Variants in HS3ST5 observed in about 807,000 individuals in gnomAD.
HS3ST5 encodes the protein heparan sulfate glucosamine 3-O-sulfotransferase 5.
Under a neutral mutation model 25.4 loss-of-function variants are expected in HS3ST5, and 10 were observed. That is an observed-to-expected ratio of 0.39 (90% CI 0.24 to 0.67). The LOEUF (loss-of-function observed/expected upper bound fraction) is 0.67. Ranked by LOEUF, HS3ST5 falls within the 30% of genes least tolerant of loss-of-function variation. The pLI is 0.44. For synonymous variants in HS3ST5, 170 were observed against 162.4 expected (o/e 1.05, Z -0.36); for missense variants, 324 against 420.7 (o/e 0.77, Z 2.01).
chr6:114,235,567 T>C (rs1192612116), intron 1 of HS3ST5: 1 of 152,174 alleles, frequency 6.6e-6, no homozygotes, highest in African/African-American at 2.4e-5. Flanking sequence ...AAATTGTTAA[T>C]ACAGGAAGGG....
intron 1 of HS3ST5, among the ~76,000 whole-genome samples, chr6:114,328,579 G>C (rs1158879726): frequency 6.6e-6 from 1 of 152,194 alleles, no homozygotes; most frequent in Non-Finnish European, 1.5e-5. Flanking sequence ...CGTAGCACAA[G>C]CTCAATTCCA....
At chr6:114,288,230 A>C (rs867440404) in intron 1 of HS3ST5, among the ~76,000 whole-genome samples, 1 of 152,122 alleles carries the variant, frequency 6.6e-6, no homozygotes, top group African/African-American at 2.4e-5. Flanking sequence ...TTCCTCCATT[A>C]ATAGTGTATC....
intron 3 of HS3ST5, among the ~76,000 whole-genome samples, chr6:114,164,600 C>T (rs1034938797): frequency 6.6e-6 from 1 of 152,114 alleles, no homozygotes; most frequent in African/African-American, 2.4e-5. Context: ...TTTTTGACTT[C>T]TAAAATACCG....
At chr6:114,274,392 T>C (rs1301888886) in intron 1 of HS3ST5, among the ~76,000 whole-genome samples, 3 of 152,020 alleles carry the variant, frequency 2.0e-5, no homozygotes, top group Non-Finnish European at 4.4e-5. Flanking sequence ...AAAGTGATAA[T>C]AGTCAGCACG....
At chr6:114,067,936 A>C (rs1773559933) in intron 3 of HS3ST5, among the ~76,000 whole-genome samples, 1 of 152,142 alleles carries the variant, frequency 6.6e-6, no homozygotes, top group African/African-American at 2.4e-5. Flanking sequence ...TATGATAATA[A>C]TGTCTATCTC....
chr6:114,247,759 A>T (rs1015321), intron 1 of HS3ST5, among the ~76,000 whole-genome samples: 1 of 150,234 alleles, frequency 6.7e-6, no homozygotes, highest in South Asian at 2.1e-4. Context: ...TTTAATATCC[A>T]TATTTTTTCT....
In HS3ST5 at chr6:114,212,871, G is replaced by A. The variant is rs1192017226; in HGVS notation, c.-145+15714C>T. ...CCCTCAACCCCTCATGGGAGGGGGA[G>A]AATGCAGGTGAGTGGATGCAGGGGC... On this transcript the variant is annotated intron_variant, in intron 2 of 4. Transcript: ENST00000312719. Among the ~76,000 whole-genome samples, 4 of 152,188 alleles carry A rather than the reference G, an allele frequency of 2.6e-5. No homozygotes were observed. The South Asian group carries it at 6.2e-4, about 24-fold the overall frequency.
chr6:114,083,947 A>C (rs1380329928), intron 3 of HS3ST5, among the ~76,000 whole-genome samples: 1 of 152,102 alleles, frequency 6.6e-6, no homozygotes, highest in Non-Finnish European at 1.5e-5. Context: ...CACTATCTTC[A>C]TTACATCTAA....
chr6:114,285,724 G>A (rs1774309586), intron 1 of HS3ST5, among the ~76,000 whole-genome samples: 1 of 151,926 alleles, frequency 6.6e-6, no homozygotes, highest in Non-Finnish European at 1.5e-5. Flanking sequence ...TGCATGGAGG[G>A]CTTAATACCT....
rs1562276785 is a variant in HS3ST5, at chr6:114,326,010, C to CT, written c.-339+16184_-339+16185insA. ...CTTGTTGATGAGAGGGGAGAAATTA[C>CT]AAGGAACTACCCCTTATTTAAATTG... On this transcript the variant is annotated intron_variant, in intron 1 of 4. Coordinates refer to ENST00000312719, the MANE Select transcript of HS3ST5 (RefSeq NM_153612.4). Among the ~76,000 whole-genome samples, 6 of 152,260 alleles carry CT rather than the reference C, an allele frequency of 3.9e-5. 1 individual carries two copies. Among genetic ancestry groups the CT allele is most frequent in the African/African-American group, 1.4e-4 (6 of 41,544 alleles).
chr6:114,183,953 G>T (rs1780081610), intron 2 of HS3ST5, among the ~76,000 whole-genome samples: 1 of 151,274 alleles, frequency 6.6e-6, no homozygotes, highest in Admixed American at 6.6e-5. Flanking sequence ...TGCCTAAATT[G>T]TGTTCATGTT....
chr6:114,175,600 G>C (rs1282663105), intron 2 of HS3ST5, among the ~76,000 whole-genome samples: 1 of 152,180 alleles, frequency 6.6e-6, no homozygotes, highest in African/African-American at 2.4e-5. Flanking sequence ...AGGAGGAATG[G>C]AGTCAGGTAG....
At chr6:114,298,588 C>A (rs889623369) in intron 1 of HS3ST5, among the ~76,000 whole-genome samples, 3 of 152,180 alleles carry the variant, frequency 2.0e-5, no homozygotes, top group Non-Finnish European at 4.4e-5. Flanking sequence ...CAGGATTCAA[C>A]CTGGCAGCAC....
At chr6:114,091,817 T>C (rs73554340) in intron 3 of HS3ST5, among the ~76,000 whole-genome samples, 2,052 of 152,178 alleles carry the variant, frequency 0.013, 48 homozygotes, top group African/African-American at 0.048. Flanking sequence ...CCTATGATGA[T>C]TTTTTTATTT....
intron 3 of HS3ST5, among the ~76,000 whole-genome samples, chr6:114,150,896 C>T (rs1247993362): frequency 4.6e-5 from 7 of 152,284 alleles, no homozygotes; most frequent in African/African-American, 1.4e-4. Context: ...AAAGCTCAAA[C>T]TATTTTGCTT....
chr6:114,123,835 A>G (rs1327483308), intron 3 of HS3ST5, among the ~76,000 whole-genome samples: 3 of 150,650 alleles, frequency 2.0e-5, no homozygotes, highest in Non-Finnish European at 3.0e-5. Context: ...TAACTCCAAG[A>G]TAATTTTTTT....
At chr6:114,264,273 A>G (rs930804149) in intron 1 of HS3ST5, among the ~76,000 whole-genome samples, 15 of 152,192 alleles carry the variant, frequency 9.9e-5, no homozygotes, top group African/African-American at 3.4e-4. Context: ...CTCAATGATG[A>G]AAAACATGTC....
At chr6:114,200,345 A>T (rs1780955620) in intron 2 of HS3ST5, among the ~76,000 whole-genome samples, 1 of 152,238 alleles carries the variant, frequency 6.6e-6, no homozygotes, top group East Asian at 1.9e-4. Context: ...AAGTCCTCTC[A>T]TTTGAGAACT....
At chr6:114,184,184 T>C (rs1401671741) in intron 2 of HS3ST5, among the ~76,000 whole-genome samples, 3 of 150,754 alleles carry the variant, frequency 2.0e-5, no homozygotes. Context: ...CCCGCCTCTA[T>C]CTAGCTGAGA....
Sources: gnomAD v4.1 joint callset for allele counts (sites outside exome capture counted in the v4.1 genomes callset) on GRCh38, gnomAD v4.1.1 for gene constraint, MANE v1.5 for transcripts, NCBI Gene and HGNC (gene_info 2026-07-23, HGNC 2026-07-21) for gene names.